Variants in LTBP2 observed in about 807,000 individuals in gnomAD.
LTBP2 encodes latent transforming growth factor beta binding protein 2.
LTBP2 carries 103 observed loss-of-function variants against 210.6 expected under a neutral mutation model. The ratio of observed to expected loss-of-function variants is 0.49; its 90% confidence interval spans 0.42 to 0.58. The LOEUF is 0.58. Among genes scored for constraint, LTBP2 ranks in the 20% least tolerant of loss-of-function variants. The probability of loss-of-function intolerance (pLI) is 0.00; values close to 1 mark genes in which losing one functional copy is unlikely to be tolerated. For missense variants in LTBP2, 2,313 were observed against 2,494.5 expected, an observed-to-expected ratio of 0.93 and a Z score of 1.55; for synonymous variants, 1,007 against 1,015.0, an observed-to-expected ratio of 0.99 and a Z score of 0.15.
chr14:74,572,046 G>A (rs1002182017), intron 3 of LTBP2, among the ~76,000 whole-genome samples: 17 of 151,894 alleles, frequency 1.1e-4, no homozygotes, highest in Middle Eastern at 6.9e-3. Flanking sequence ...TATGTGGCTA[G>A]CAAAGCAACT....
At chr14:74,590,120 C>A (rs1457330160) in intron 2 of LTBP2, among the ~76,000 whole-genome samples, 3 of 152,158 alleles carry the variant, frequency 2.0e-5, no homozygotes, top group African/African-American at 7.2e-5. Flanking sequence ...GCCAGAATGG[C>A]CATTACTAAA....
Position 74,522,910 on chromosome 14 carries a change from T to C in LTBP2, c.2539A>G (p.Arg847Gly). The change falls in exon 16 of 36, where the codon AGA (arginine) becomes GGA (glycine). Residue 847 changes from arginine to glycine, a missense_variant. By Grantham distance (125) the Arg-to-Gly change is moderately radical. Transcript: ENST00000261978. ...LVTLSTPGID[R>G]CAAGATNVCG... ...ACGTTGGTGGCTCCAGCAGCGCATCTGTCAATGCCTGTGGGAGACAGAGCA... is the reference window on the plus strand; with the variant it reads ...ACGTTGGTGGCTCCAGCAGCGCATCCGTCAATGCCTGTGGGAGACAGAGCA... 1 of 1,611,834 alleles carries C rather than the reference T, an allele frequency of 6.2e-7. No individual in the cohort carries two copies. The highest frequency in any genetic ancestry group is 8.5e-7 in the Non-Finnish European group (1 of 1,179,390).
At chr14:74,557,102 A>G (rs1457709921) in intron 3 of LTBP2, among the ~76,000 whole-genome samples, 1 of 152,106 alleles carries the variant, frequency 6.6e-6, no homozygotes, top group Non-Finnish European at 1.5e-5. Context: ...TCTCTACTAA[A>G]AATACAAAAA....
At chr14:74,539,434 T>C (rs2087464033) in intron 8 of LTBP2, among the ~76,000 whole-genome samples, 1 of 152,156 alleles carries the variant, frequency 6.6e-6, no homozygotes, top group African/African-American at 2.4e-5. Context: ...ATGTTGGGCA[T>C]GGTAGCTCAC....
In LTBP2 at chr14:74,528,580, C is replaced by A. The variant is rs778152566; in HGVS notation, c.2271G>T (p.Gly757=). 1.2e-6 allele frequency: 2 copies of A among 1,613,386 alleles called. No homozygotes were observed. The highest frequency in any genetic ancestry group is 2.7e-5 in the African/African-American group (2 of 74,956). ...CGGGCAGTGCCCCGCTGCTCCTCTG[C>A]CCTTGCTCCCTTGGGGGCCTTGCCA... ...EELARPPREQ[G]QRSSGALPGP... is the part of the protein sequence containing the mutation. Residue 757 remains glycine (G), a synonymous_variant, in exon 12 of 36, where the codon GGG becomes GGT. Coordinates refer to ENST00000261978, the MANE Select transcript of LTBP2 (RefSeq NM_000428.3).
chr14:74,596,157 C>T (rs904857285), intron 2 of LTBP2, among the ~76,000 whole-genome samples: 7 of 151,488 alleles, frequency 4.6e-5, no homozygotes, highest in African/African-American at 7.3e-5. Flanking sequence ...CCTGGGAGGC[C>T]GAGATTACAG....
Position 74,502,275 on chromosome 14 carries a change from A to G in LTBP2, c.5170+378T>C, listed in dbSNP as rs1405875874. Among the ~76,000 whole-genome samples, 7 of 152,020 alleles carry G rather than the reference A, an allele frequency of 4.6e-5. No individual in the cohort carries two copies. In the East Asian group the frequency reaches 1.4e-3, roughly 30 times the overall value. On this transcript the variant is annotated intron_variant, in intron 34 of 35. Transcript: ENST00000261978. ...AAGTCCTTAGAAAACCTTAATCCAC[A>G]CTTCAGGTCACAAGTGTGAATGCTG...
At chr14:74,565,491 C>T (rs1213722040) in intron 3 of LTBP2, among the ~76,000 whole-genome samples, 1 of 152,156 alleles carries the variant, frequency 6.6e-6, no homozygotes, top group Non-Finnish European at 1.5e-5. Flanking sequence ...GATGCAAGGG[C>T]TATTTCAGAT....
At chr14:74,566,909 C>T (rs756907045) in intron 3 of LTBP2, among the ~76,000 whole-genome samples, 25 of 152,192 alleles carry the variant, frequency 1.6e-4, no homozygotes, top group Non-Finnish European at 5.9e-5. Flanking sequence ...GGGCCTCTAG[C>T]TCTTCCTATG....
In LTBP2 at chr14:74,603,772, C is replaced by T. The variant is rs1181535282; in HGVS notation, c.495-67G>A. The T allele has an allele frequency of 3.3e-5, 44 of 1,335,062 alleles. No homozygotes were observed. In the East Asian group the frequency reaches 5.5e-4, roughly 17 times the overall value. The allele number at this position is 1,335,062 out of a possible 1,614,324, so 82.7% of individuals were successfully genotyped here. A position where few individuals can be genotyped will look rare whatever the true frequency, so the allele number is the denominator to read the frequency against. ...AGCTGGGGACTATTCACAGCCCCTC[C>T]GACAGTCCCACCTTCTAGAGGCAGG... On this transcript the variant is annotated intron_variant, in intron 1 of 35. Coordinates refer to ENST00000261978, the MANE Select transcript of LTBP2 (RefSeq NM_000428.3).
At chr14:74,592,012 T>C (rs1372099652) in intron 2 of LTBP2, among the ~76,000 whole-genome samples, 1 of 152,226 alleles carries the variant, frequency 6.6e-6, no homozygotes, top group Non-Finnish European at 1.5e-5. Context: ...AGCTGGCCAC[T>C]GCATGTTGGT....
chr14:74,579,780 AC>A (rs2139781269), intron 3 of LTBP2, among the ~76,000 whole-genome samples: 1 of 152,350 alleles, frequency 6.6e-6, no homozygotes, highest in East Asian at 1.9e-4. Context: ...AGGGGTAAGG[AC>A]AGGCTACCTC....
chr14:74,510,338 T>C, intron 19 of LTBP2, 125 bp from the exon 20 acceptor site: 1 of 1,411,292 alleles, frequency 7.1e-7, no homozygotes, highest in Middle Eastern at 2.3e-4. Context: ...GCAGGCCACC[T>C]GGGGAGGCCA....
intron 9 of LTBP2, among the ~76,000 whole-genome samples, chr14:74,534,219 GT>G (rs1449715769): frequency 1.3e-5 from 2 of 152,186 alleles, no homozygotes; most frequent in Admixed American, 1.3e-4. Context: ...CTGCTTCTGG[GT>G]TCCCTGTCAC....
Position 74,549,968 on chromosome 14 carries a change from G to T in LTBP2, c.1687-3C>A. On this transcript the variant is annotated splice_polypyrimidine_tract_variant and splice_region_variant and intron_variant, in intron 7 of 35. Coordinates refer to ENST00000261978, the MANE Select transcript of LTBP2 (RefSeq NM_000428.3). Reference sequence around the variant, plus strand: ...AGCTCCAGCAGAGGGTTGGCACACTGGAAGGAGAGGCCATGGACACCTGTG... The same window carrying T: ...AGCTCCAGCAGAGGGTTGGCACACTTGAAGGAGAGGCCATGGACACCTGTG... The T allele has an allele frequency of 6.3e-7, 1 of 1,599,286 alleles. No individual in the cohort carries two copies. The highest frequency in any genetic ancestry group is 8.6e-7 in the Non-Finnish European group (1 of 1,166,556).
intron 2 of LTBP2, among the ~76,000 whole-genome samples, chr14:74,600,382 A>G (rs571224709): frequency 1.1e-4 from 16 of 152,196 alleles, no homozygotes; most frequent in African/African-American, 3.9e-4. Context: ...AGGGAGAGAA[A>G]TACCAGGGGA....
intron 1 of LTBP2, among the ~76,000 whole-genome samples, chr14:74,605,411 G>A (rs1476602631): frequency 6.6e-6 from 1 of 152,134 alleles, no homozygotes; most frequent in Non-Finnish European, 1.5e-5. Context: ...CTCTCTGGGC[G>A]ACCACCGTTA....
chr14:74,509,195 G>A, intron 22 of LTBP2, 43 bp downstream of exon 22: 1 of 1,613,010 alleles, frequency 6.2e-7, no homozygotes, highest in Non-Finnish European at 8.5e-7. Context: ...CCCTGACAGA[G>A]GGGGCATCCC....
At chr14:74,585,833 C>G (rs1253151055) in intron 3 of LTBP2, 21 bp downstream of exon 3, 1 of 1,613,868 alleles carries the variant, frequency 6.2e-7, no homozygotes, top group South Asian at 1.1e-5. Context: ...GACCCCAAGC[C>G]CCATGGAGAA....
Sources: gnomAD v4.1 joint callset for allele counts (sites outside exome capture counted in the v4.1 genomes callset) on GRCh38, gnomAD v4.1.1 for gene constraint, MANE v1.5 for transcripts, NCBI Gene and HGNC (gene_info 2026-07-23, HGNC 2026-07-21) for gene names.